The following CNTNAP2 variants were observed in gnomAD, a reference collection of about 807,000 sequenced individuals.
The protein encoded by CNTNAP2 is contactin associated protein 2, also known as contactin-associated protein-like 2.
Under a neutral mutation model 155.2 loss-of-function variants are expected in CNTNAP2, and 98 were observed. That is an observed-to-expected ratio of 0.63 (90% CI 0.54 to 0.75). The LOEUF (loss-of-function observed/expected upper bound fraction) is 0.75. CNTNAP2 is among the 30% of genes least tolerant of loss of function. The probability of loss-of-function intolerance (pLI) is 0.00; values close to 1 mark genes in which losing one functional copy is unlikely to be tolerated. For missense variants in CNTNAP2, 1,727 were observed against 1,688.1 expected (o/e 1.02, Z -0.40); for synonymous variants, 651 against 631.2 (o/e 1.03, Z -0.47).
intron 13 of CNTNAP2, among the ~76,000 whole-genome samples, chr7:147,652,953 T>G (rs145202441): frequency 1.3e-5 from 2 of 152,142 alleles, no homozygotes; most frequent in Non-Finnish European, 2.9e-5. Flanking sequence ...TTCTGAAAAA[T>G]CCTACCTTTT....
chr7:147,395,798 C>G lies in CNTNAP2; in HGVS notation c.1670+18C>G, dbSNP rs200861316. The G allele has an allele frequency of 1.9e-6, 3 of 1,611,058 alleles. No individual in the cohort carries two copies. Among genetic ancestry groups the G allele is most frequent in the Admixed American group, 3.3e-5 (2 of 59,832 alleles). ...ATAGACAGGTAAATGATCTTTTCAT[C>G]CTACCTCACGTTGTCCAAACTTTCC... On this transcript the variant is annotated intron_variant, in intron 10 of 23. Transcript: ENST00000361727.
chr7:147,883,654 C>T (rs1165960408), intron 13 of CNTNAP2, among the ~76,000 whole-genome samples: 3 of 152,066 alleles, frequency 2.0e-5, no homozygotes, highest in Admixed American at 1.3e-4. Flanking sequence ...CAGGTGAAAT[C>T]CAATTTCAAC....
chr7:148,206,575 A>C (rs941103777), intron 18 of CNTNAP2, among the ~76,000 whole-genome samples: 32 of 152,150 alleles, frequency 2.1e-4, no homozygotes, highest in African/African-American at 7.7e-4. Context: ...CCCCACATTT[A>C]ATACCAAGTT....
intron 8 of CNTNAP2, among the ~76,000 whole-genome samples, chr7:147,184,848 T>G (rs1416241291): frequency 6.6e-6 from 1 of 152,172 alleles, no homozygotes; most frequent in Non-Finnish European, 1.5e-5. Flanking sequence ...TTCTAAATGC[T>G]GAAAACAATT....
At chr7:146,612,148 TA>T (rs1799148819) in intron 1 of CNTNAP2, among the ~76,000 whole-genome samples, 1 of 152,076 alleles carries the variant, frequency 6.6e-6, no homozygotes, top group African/African-American at 2.4e-5. Context: ...ATCTAAAAAG[TA>T]AAAAGAGCCT....
At chr7:146,445,184 A>T (rs1164279647) in intron 1 of CNTNAP2, among the ~76,000 whole-genome samples, 1 of 152,214 alleles carries the variant, frequency 6.6e-6, no homozygotes, top group Non-Finnish European at 1.5e-5. Context: ...ATGTGGCCAA[A>T]GTATAATGAG....
intron 9 of CNTNAP2, among the ~76,000 whole-genome samples, chr7:147,318,392 C>A (rs1795277853): frequency 1.3e-5 from 2 of 152,072 alleles, no homozygotes; most frequent in Non-Finnish European, 2.9e-5. Flanking sequence ...CAAGATCGTG[C>A]CACTGCACTC....
intron 9 of CNTNAP2, among the ~76,000 whole-genome samples, chr7:147,318,238 T>C (rs1391628433): frequency 6.6e-6 from 1 of 152,110 alleles, no homozygotes; most frequent in Non-Finnish European, 1.5e-5. Context: ...GCCCAGGAGT[T>C]CATGACCAGC....
chr7:146,934,644 G>A (rs962762913), intron 3 of CNTNAP2, among the ~76,000 whole-genome samples: 44 of 151,994 alleles, frequency 2.9e-4, no homozygotes, highest in African/African-American at 8.9e-4. Context: ...CAATGGACAT[G>A]TATTCGCATT....
chr7:146,536,975 A>G (rs1357246297), intron 1 of CNTNAP2, among the ~76,000 whole-genome samples: 1 of 152,172 alleles, frequency 6.6e-6, no homozygotes, highest in East Asian at 1.9e-4. Context: ...CTGTTTTTCA[A>G]TAGTGAATCT....
chr7:147,404,843 A>C (rs1022848412), intron 10 of CNTNAP2, among the ~76,000 whole-genome samples: 3 of 152,192 alleles, frequency 2.0e-5, no homozygotes, highest in African/African-American at 7.2e-5. Flanking sequence ...GCCTCTCTGA[A>C]GTGATTTCAA....
intron 11 of CNTNAP2, among the ~76,000 whole-genome samples, chr7:147,528,461 A>C (rs931307470): frequency 1.3e-5 from 2 of 152,176 alleles, no homozygotes; most frequent in African/African-American, 2.4e-5. Context: ...TCTGTCTCTC[A>C]CTTGGTCTCC....
chr7:147,832,871 T>A (rs963183032), intron 13 of CNTNAP2, among the ~76,000 whole-genome samples: 1 of 148,550 alleles, frequency 6.7e-6, no homozygotes, highest in Non-Finnish European at 1.5e-5. Context: ...ATTTTATATG[T>A]TATTTATACA....
intron 9 of CNTNAP2, among the ~76,000 whole-genome samples, chr7:147,318,790 C>T (rs1416365411): frequency 1.3e-5 from 2 of 152,022 alleles, no homozygotes; most frequent in Non-Finnish European, 1.5e-5. Context: ...ATGTAATAAA[C>T]CTGCACGTTC....
intron 1 of CNTNAP2, among the ~76,000 whole-genome samples, chr7:146,525,588 CATCT>C (rs750310453): frequency 7.8e-5 from 11 of 141,580 alleles, no homozygotes; most frequent in African/African-American, 3.0e-4. Context: ...CTCTATCTAT[CATCT>C]ATCTATCATC....
chr7:146,917,060 G>T (rs1044008521), intron 3 of CNTNAP2, among the ~76,000 whole-genome samples: 3 of 151,996 alleles, frequency 2.0e-5, no homozygotes, highest in African/African-American at 7.2e-5. Context: ...ATTTCCTTCT[G>T]GATTTCATTG....
At chr7:147,356,385 G>T (rs918580623) in intron 9 of CNTNAP2, among the ~76,000 whole-genome samples, 2 of 151,958 alleles carry the variant, frequency 1.3e-5, no homozygotes, top group African/African-American at 2.4e-5. Context: ...GACAGGGATG[G>T]CCTCTCTCAC....
intron 1 of CNTNAP2, among the ~76,000 whole-genome samples, chr7:146,755,575 A>C (rs768904175): frequency 1.1e-4 from 17 of 152,026 alleles, no homozygotes; most frequent in Non-Finnish European, 1.8e-4. Context: ...ACACTACCCA[A>C]TAAGTGGAAC....
chr7:147,064,195 A>G (rs1468184991), intron 4 of CNTNAP2, among the ~76,000 whole-genome samples: 1 of 149,828 alleles, frequency 6.7e-6, no homozygotes, highest in East Asian at 2.0e-4. Context: ...TTAATTTTTA[A>G]TTTTGGAGAG....
Sources: gnomAD v4.1 joint callset for allele counts (sites outside exome capture counted in the v4.1 genomes callset) on GRCh38, gnomAD v4.1.1 for gene constraint, MANE v1.5 for transcripts, NCBI Gene and HGNC (gene_info 2026-07-23, HGNC 2026-07-21) for gene names.